Variants in DENND4C observed in about 807,000 individuals in gnomAD.
DENND4C encodes DENN domain containing 4C, also known as DENN domain-containing protein 4C.
In DENND4C, 108 loss-of-function variants were observed where a neutral mutation model predicts 203.0. The observed-to-expected ratio is 0.53, with a 90% CI of 0.46 to 0.62. The LOEUF is 0.62. Among genes scored for constraint, DENND4C ranks in the 20% least tolerant of loss-of-function variants. The pLI, the probability that DENND4C is intolerant of heterozygous loss-of-function variation, is 0.00. For synonymous variants in DENND4C, 871 were observed against 792.4 expected (o/e 1.10, Z -1.67); for missense variants, 2,481 against 2,301.2 (o/e 1.08, Z -1.60).
intron 10 of DENND4C, among the ~76,000 whole-genome samples, chr9:19,314,993 C>G (rs1052799886): frequency 3.3e-5 from 5 of 151,922 alleles, no homozygotes; most frequent in African/African-American, 1.2e-4. Context: ...GAAACCCTGT[C>G]TCTACTAAAA....
At position 19,288,608 on chromosome 9, in the gene DENND4C, G is replaced by T. The variant is rs541037513; in HGVS notation, c.571G>T (p.Val191Leu). 41 of 1,231,394 alleles carry T rather than the reference G, an allele frequency of 3.3e-5. No individual in the cohort carries two copies. The highest frequency in any genetic ancestry group is 4.0e-5 in the Non-Finnish European group (40 of 987,704). 76.3% of individuals were successfully genotyped at this position (1,231,394 alleles called of 1,614,324 possible). ...NLNCGMWGSS[V>L]FLCYKKSVPA... ...TCATGTTTTACAGTGGGGTTCCAGCGTGTTTCTGTGTTATAAGAAGTCTGT... is the reference window on the plus strand; with the variant it reads ...TCATGTTTTACAGTGGGGTTCCAGCTTGTTTCTGTGTTATAAGAAGTCTGT... Residue 191 changes from valine to leucine, a missense_variant, in exon 4 of 33, where the codon GTG (valine) becomes TTG (leucine). Val to Leu is a conservative substitution (Grantham distance 32). This residue lies in a region of DENND4C where 2,289 missense variants were observed against 2,113.3 expected (regional missense o/e 1.08). Coordinates refer to ENST00000434457, the MANE Select transcript of DENND4C (RefSeq NM_001330640.2).
Position 19,298,084 on chromosome 9 carries a change from C to A in DENND4C, c.1069C>A (p.Pro357Thr). The change falls in exon 7 of 33, where the codon CCT (proline) becomes ACT (threonine). Residue 357 changes from proline to threonine, a missense_variant. Physicochemically the swap from Pro to Thr is conservative, Grantham distance 38. This residue lies in a region of DENND4C where 2,289 missense variants were observed against 2,113.3 expected (regional missense o/e 1.08). Coordinates refer to ENST00000434457, the MANE Select transcript of DENND4C (RefSeq NM_001330640.2). Reference sequence around the variant, plus strand: ...CATTTCACATTTTATGCAAAACATCCCTTTTCCTTCACCACAAAGACCGAG... The same window carrying A: ...CATTTCACATTTTATGCAAAACATCACTTTTCCTTCACCACAAAGACCGAG... ...KHISHFMQNI[P>T]FPSPQRPRIL... is the part of the protein sequence containing the mutation. The A allele has an allele frequency of 6.2e-7, 1 of 1,607,764 alleles. No homozygotes were observed. Among genetic ancestry groups the A allele is most frequent in the Non-Finnish European group, 8.5e-7 (1 of 1,176,876 alleles).
chr9:19,251,758 T>G (rs1423537185), intron 1 of DENND4C, among the ~76,000 whole-genome samples: 1 of 152,204 alleles, frequency 6.6e-6, no homozygotes, highest in African/African-American at 2.4e-5. Context: ...CCAGTCTGTT[T>G]GCTAAAACGT....
chr9:19,322,608 C>T (rs1175578916), intron 12 of DENND4C, among the ~76,000 whole-genome samples: 3 of 151,322 alleles, frequency 2.0e-5, no homozygotes, highest in Non-Finnish European at 2.9e-5. Flanking sequence ...TGGTGGCGGG[C>T]GCCTGTAGTC....
chr9:19,308,156 A>G (rs999663333), intron 10 of DENND4C, among the ~76,000 whole-genome samples: 11 of 152,294 alleles, frequency 7.2e-5, no homozygotes, highest in African/African-American at 2.2e-4. Flanking sequence ...TGTTCTGATC[A>G]TCGTATATAT....
chr9:19,281,692 C>G (rs1207376184), intron 2 of DENND4C, among the ~76,000 whole-genome samples: 1 of 152,188 alleles, frequency 6.6e-6, no homozygotes, highest in Non-Finnish European at 1.5e-5. Flanking sequence ...GATGGGAATA[C>G]ATTCTGAGAA....
intron 12 of DENND4C, among the ~76,000 whole-genome samples, chr9:19,320,950 G>C (rs1029441510): frequency 6.6e-6 from 1 of 152,200 alleles, no homozygotes; most frequent in Non-Finnish European, 1.5e-5. Context: ...AGGGATGGCA[G>C]TCAGGACCAC....
At chr9:19,363,828 T>C (rs1827033860) in intron 30 of DENND4C, among the ~76,000 whole-genome samples, 1 of 151,892 alleles carries the variant, frequency 6.6e-6, no homozygotes, top group Non-Finnish European at 1.5e-5. Flanking sequence ...CTAGCCAATA[T>C]GGTGAAACTC....
chr9:19,362,014 C>A, intron 30 of DENND4C, 51 bp downstream of exon 30: 1 of 1,164,452 alleles, frequency 8.6e-7, no homozygotes, highest in Non-Finnish European at 1.3e-6. Flanking sequence ...TGGCTCGCAC[C>A]TGTAATGCCA....
intron 15 of DENND4C, among the ~76,000 whole-genome samples, chr9:19,326,673 C>A (rs1055412747): frequency 6.6e-6 from 1 of 151,948 alleles, no homozygotes; most frequent in Non-Finnish European, 1.5e-5. Context: ...CTTAGAAAAT[C>A]AAACCAAAAT....
intron 17 of DENND4C, 95 bp from the exon 18 acceptor site, chr9:19,334,882 C>T (rs2131838061): frequency 2.4e-6 from 3 of 1,248,622 alleles, no homozygotes; most frequent in Non-Finnish European, 3.3e-6. Context: ...GAAAATACTG[C>T]TTAATAACTT....
At chr9:19,328,210 G>A in intron 16 of DENND4C, 48 bp downstream of exon 16, 3 of 1,537,832 alleles carry the variant, frequency 2.0e-6, no homozygotes, top group Non-Finnish European at 2.6e-6. Context: ...TGTAAAATAT[G>A]TATATGTGAT....
intron 1 of DENND4C, among the ~76,000 whole-genome samples, chr9:19,246,319 GACC>G (rs1380091926): frequency 1.3e-5 from 2 of 152,098 alleles, no homozygotes; most frequent in African/African-American, 4.8e-5. Context: ...TTAAATTTAT[GACC>G]ACACATATCT....
chr9:19,251,835 G>C (rs1379820258), intron 1 of DENND4C, among the ~76,000 whole-genome samples: 1 of 152,132 alleles, frequency 6.6e-6, no homozygotes, highest in African/African-American at 2.4e-5. Context: ...ACTTCAGCCT[G>C]AACTTTATTG....
chr9:19,348,681 T>C (rs1588967189), intron 23 of DENND4C, among the ~76,000 whole-genome samples: 1 of 152,166 alleles, frequency 6.6e-6, no homozygotes, highest in South Asian at 2.1e-4. Flanking sequence ...AAGTATAGTA[T>C]TGAACATTAT....
intron 30 of DENND4C, among the ~76,000 whole-genome samples, chr9:19,368,782 G>A (rs1005366135): frequency 1.3e-5 from 2 of 150,642 alleles, no homozygotes; most frequent in South Asian, 2.1e-4. Context: ...CCTGGGTGAC[G>A]GAGTGAAAAA....
chr9:19,252,087 G>C (rs1048623827), intron 1 of DENND4C, among the ~76,000 whole-genome samples: 6 of 152,124 alleles, frequency 3.9e-5, no homozygotes, highest in African/African-American at 1.4e-4. Context: ...CCTGAGACTG[G>C]GCAATTTACA....
At chr9:19,267,854 G>T (rs75884785) in intron 1 of DENND4C, among the ~76,000 whole-genome samples, 3,715 of 152,176 alleles carry the variant, frequency 0.024, 63 homozygotes, top group Non-Finnish European at 0.025. Context: ...CTTGTAGGCC[G>T]CAGATGGTCG....
At chr9:19,293,250 G>T (rs1836739265) in intron 5 of DENND4C, among the ~76,000 whole-genome samples, 1 of 152,164 alleles carries the variant, frequency 6.6e-6, no homozygotes, top group South Asian at 2.1e-4. Flanking sequence ...CTTTTTCATT[G>T]TTTAGGGGAT....
Sources: gnomAD v4.1 joint callset for allele counts (sites outside exome capture counted in the v4.1 genomes callset) on GRCh38, gnomAD v4.1.1 for gene constraint, gnomAD v4.1.1 regional missense constraint, MANE v1.5 for transcripts, NCBI Gene and HGNC (gene_info 2026-07-23, HGNC 2026-07-21) for gene names.